Variants in ARID1A observed in about 807,000 individuals in gnomAD.
The protein encoded by ARID1A is AT-rich interaction domain 1A, also known as AT-rich interactive domain-containing protein 1A.
Under a neutral mutation model 212.6 loss-of-function variants are expected in ARID1A, and 20 were observed. That is an observed-to-expected ratio of 0.09 (90% CI 0.07 to 0.14). The LOEUF is 0.14. Ranked by LOEUF, ARID1A falls within the 10% of genes least tolerant of loss-of-function variation. The probability of loss-of-function intolerance (pLI) is 1.00; values close to 1 mark genes in which losing one functional copy is unlikely to be tolerated. For missense variants in ARID1A, 2,587 were observed against 3,059.0 expected (o/e 0.85, Z 3.64); for synonymous variants, 1,376 against 1,222.1 (o/e 1.13, Z -2.63).
Position 26,771,519 on chromosome 1 carries a change from G to A in ARID1A, c.3406+193G>A, listed in dbSNP as rs750334459. 5.2e-5 allele frequency: 32 copies of A among 610,384 alleles called. No individual in the cohort carries two copies. Among genetic ancestry groups the A allele is most frequent in the Middle Eastern group, 4.4e-4 (1 of 2,272 alleles). 37.8% of individuals were successfully genotyped at this position (610,384 alleles called of 1,614,324 possible). On this transcript the variant is annotated intron_variant, in intron 12 of 19. Transcript: ENST00000324856. This position sits in a 1 kb window ranked among gnomAD's most constrained non-coding sequence, Gnocchi z 5.4. ...GAAACTCCCTTGGGAGGTACTCTAC[G>A]GCAGCTCTTAAGTTTTAATTTTTGT...
intron 4 of ARID1A, among the ~76,000 whole-genome samples, chr1:26,760,530 A>G (rs2080980918): frequency 6.6e-6 from 1 of 151,996 alleles, no homozygotes. Flanking sequence ...TCTACTAAAA[A>G]TACAAAAATT....
At chr1:26,735,103 A>G (rs1381169820) in intron 4 of ARID1A, among the ~76,000 whole-genome samples, 3 of 151,922 alleles carry the variant, frequency 2.0e-5, no homozygotes, top group Non-Finnish European at 4.4e-5. Flanking sequence ...TTAATCTTAG[A>G]ATAAAATCCA....
Position 26,781,956 on chromosome 1 carries a change from A to T in ARID1A, c.*1200A>T, listed in dbSNP as rs147234817. The T allele has an allele frequency of 8.6e-6, 2 of 233,512 alleles. No individual in the cohort carries two copies. Among genetic ancestry groups the T allele is most frequent in the African/African-American group, 4.4e-5 (2 of 45,350 alleles). The allele number at this position is 233,512 out of a possible 1,614,324, so 14.5% of individuals were successfully genotyped here. A position where few individuals can be genotyped will look rare whatever the true frequency, so the allele number is the denominator to read the frequency against. On this transcript the variant is annotated 3_prime_UTR_variant, in exon 20 of 20. Transcript: ENST00000324856. ...AGATTTTTTCAGTGATAAAATCTGC[A>T]TATTTGTATTTCAACAATGTAGCTA...
At chr1:26,751,100 C>T (rs1254554492) in intron 4 of ARID1A, among the ~76,000 whole-genome samples, 1 of 151,672 alleles carries the variant, frequency 6.6e-6, no homozygotes. Flanking sequence ...ACTAAAAATA[C>T]AAAAATTAGC....
rs756667336 is a variant in ARID1A at position 26,766,224 on chromosome 1, G to T, written c.2736G>T (p.Pro912=). 7 of 1,611,818 alleles carry T rather than the reference G, an allele frequency of 4.3e-6. No homozygotes were observed. Among genetic ancestry groups the T allele is most frequent in the South Asian group, 1.1e-5 (1 of 90,542 alleles). The change falls in exon 9 of 20, where the codon CCG becomes CCT. Residue 912 remains proline (P), a synonymous_variant. Transcript: ENST00000324856. ...HVAANSIQNR[P]PGYPNMNQGG... is the part of the protein sequence containing the mutation. ...CACTTTCCATCTTCTTCCTTAGGCC[G>T]CCAGGCTACCCCAATATGAATCAAG...
chr1:26,772,362 TCTG>T, intron 12 of ARID1A, 135 bp from the exon 13 acceptor site: 6 of 1,270,062 alleles, frequency 4.7e-6, no homozygotes, highest in Non-Finnish European at 6.6e-6. Flanking sequence ...TTGTAGATCC[TCTG>T]CTAAGAAGGG....
intron 1 of ARID1A, among the ~76,000 whole-genome samples, chr1:26,710,210 T>TGG (rs1318315004): frequency 6.8e-6 from 1 of 147,302 alleles, no homozygotes; most frequent in Non-Finnish European, 1.5e-5. Flanking sequence ...CCAAGGCGGG[T>TGG]GGATCACAAG....
At chr1:26,740,263 T>G (rs1424914409) in intron 4 of ARID1A, among the ~76,000 whole-genome samples, 1 of 152,192 alleles carries the variant, frequency 6.6e-6, no homozygotes, top group African/African-American at 2.4e-5. Context: ...GGGTCCATGA[T>G]TCCGAATATG....
chr1:26,725,533 C>T (rs2080607910), intron 1 of ARID1A, among the ~76,000 whole-genome samples: 1 of 152,070 alleles, frequency 6.6e-6, no homozygotes. Context: ...GCCAAATAAG[C>T]TGCATATTCT....
chr1:26,759,227 G>A (rs768219270), intron 4 of ARID1A, among the ~76,000 whole-genome samples: 4 of 152,100 alleles, frequency 2.6e-5, no homozygotes, highest in Middle Eastern at 3.2e-3. Flanking sequence ...TTTTGAGATG[G>A]TGTTTTGCTC....
Position 26,696,468 on chromosome 1 carries a change from C to A in ARID1A, c.65C>A (p.Ser22Ter). Reference sequence around the variant, plus strand: ...GGCAACCCGCCGCCGCCGCCGCCCTCGGAGCTGAAGAAAGCCGAGCAGCAG... The same window carrying A: ...GGCAACCCGCCGCCGCCGCCGCCCTAGGAGCTGAAGAAAGCCGAGCAGCAG... Reference protein sequence around the residue: ...SLGNPPPPPPSELKKAEQQQR... With the variant: ...SLGNPPPPPP Residue 22 changes from serine to a stop codon, truncating the protein, a stop_gained, in exon 1 of 20, where the codon TCG becomes TAG. Transcript: ENST00000324856. LOFTEE classifies it high-confidence loss of function. 7.8e-7 allele frequency: 1 copy of A among 1,286,054 alleles called. No individual in the cohort carries two copies. The highest frequency in any genetic ancestry group is 9.8e-7 in the Non-Finnish European group (1 of 1,019,262). The allele number at this position is 1,286,054 out of a possible 1,614,324, so 79.7% of individuals were successfully genotyped here.
At position 26,774,879 on chromosome 1, in the gene ARID1A, G is replaced by A. The variant is rs748819428; in HGVS notation, c.4652G>A (p.Arg1551His). 8.2e-6 allele frequency: 13 copies of A among 1,592,050 alleles called. No homozygotes were observed. The highest frequency in any genetic ancestry group is 1.1e-5 in the South Asian group (1 of 87,686). Residue 1551 changes from arginine (R) to histidine (H), a missense_variant, in exon 18 of 20, where the codon CGC becomes CAC. This residue lies in a region of ARID1A where 890 missense variants were observed against 1,098.2 expected (regional missense o/e 0.81). Transcript: ENST00000324856. The surrounding 1 kb of genome is among the most constrained non-coding windows in gnomAD (Gnocchi z 5.6). ...GGCTCGTGGCCTTCCCATGGCACAC[G>A]CCAGCCCCCATATGGTCCCTCTGCC... ...HEGSWPSHGT[R>H]QPPYGPSAPV...
chr1:26,708,094 TTTG>T (rs1263074697), intron 1 of ARID1A, among the ~76,000 whole-genome samples: 1 of 151,762 alleles, frequency 6.6e-6, no homozygotes, highest in Non-Finnish European at 1.5e-5. Flanking sequence ...CACTTAGGGT[TTTG>T]TTGTTTTGGA....
chr1:26,732,559 G>A (rs138871255), intron 3 of ARID1A, 117 bp from the exon 4 acceptor site: 13 of 767,604 alleles, frequency 1.7e-5, no homozygotes, highest in Admixed American at 9.4e-5. Flanking sequence ...AATACTTTTC[G>A]CAACTGGACT....
At position 26,780,112 on chromosome 1, in the gene ARID1A, G is replaced by A. The variant is rs1246332692; in HGVS notation, c.6214G>A (p.Asp2072Asn). The A allele has an allele frequency of 6.2e-7, 1 of 1,614,136 alleles. No individual in the cohort carries two copies. The highest frequency in any genetic ancestry group is 1.1e-5 in the South Asian group (1 of 91,074). ...ACTCGCCAACATCTCGGGGCAGTTGGACCTATCTCCATACCCCGAGAGCAT... is the reference window on the plus strand; with the variant it reads ...ACTCGCCAACATCTCGGGGCAGTTGAACCTATCTCCATACCCCGAGAGCAT... ...VTLANISGQL[D>N]LSPYPESICL... The change falls in exon 20 of 20, where the codon GAC (aspartate) becomes AAC (asparagine). Residue 2072 changes from aspartate to asparagine, a missense_variant. Transcript: ENST00000324856. This position sits in a 1 kb window ranked among gnomAD's most constrained non-coding sequence, Gnocchi z 7.2.
At chr1:26,700,471 A>G (rs1008419954) in intron 1 of ARID1A, among the ~76,000 whole-genome samples, 5 of 152,192 alleles carry the variant, frequency 3.3e-5, no homozygotes, top group African/African-American at 1.2e-4. Flanking sequence ...CCTTTTCATA[A>G]GTAGTGTATC....
At chr1:26,748,584 T>A (rs2080857656) in intron 4 of ARID1A, among the ~76,000 whole-genome samples, 2 of 150,786 alleles carry the variant, frequency 1.3e-5, no homozygotes, top group Admixed American at 6.6e-5. Flanking sequence ...CTGCTGTAAC[T>A]CAGGCCCAGC....
intron 1 of ARID1A, among the ~76,000 whole-genome samples, chr1:26,700,281 T>A (rs2080319756): frequency 6.6e-6 from 1 of 152,220 alleles, no homozygotes; most frequent in Non-Finnish European, 1.5e-5. Context: ...TCTGTCTCCA[T>A]CTTTTCCTGG....
At chr1:26,713,383 G>C (rs1451427603) in intron 1 of ARID1A, among the ~76,000 whole-genome samples, 1 of 146,774 alleles carries the variant, frequency 6.8e-6, no homozygotes, top group Non-Finnish European at 1.5e-5. Flanking sequence ...TTTTTTGGCA[G>C]AGTCTTGCTT....
Sources: allele counts gnomAD v4.1 joint callset (sites outside exome capture counted in the v4.1 genomes callset), GRCh38; gene constraint gnomAD v4.1.1; regional missense constraint gnomAD v4.1.1; non-coding constraint Gnocchi (gnomAD v3.1); transcripts MANE v1.5; gene names NCBI Gene and HGNC (gene_info 2026-07-23, HGNC 2026-07-21).